The following PI4KA variants were observed in gnomAD, a reference collection of about 807,000 sequenced individuals.
PI4KA encodes PI4-kinase alpha.
In PI4KA, 122 loss-of-function variants were observed where a neutral mutation model predicts 271.4. The observed-to-expected ratio is 0.45, with a 90% confidence interval of 0.39 to 0.52. The LOEUF (loss-of-function observed/expected upper bound fraction) is 0.52, where lower values mean the gene tolerates loss of function less well. PI4KA is among the 20% of genes least tolerant of loss of function. PI4KA has a pLI of 0.00. For missense variants in PI4KA, 1,969 were observed against 2,769.1 expected (o/e 0.71, Z 6.48); for synonymous variants, 1,041 against 1,078.8 (o/e 0.96, Z 0.69).
intron 1 of PI4KA, among the ~76,000 whole-genome samples, chr22:20,840,048 A>G (rs1274725152): frequency 6.6e-6 from 1 of 152,206 alleles, no homozygotes; most frequent in Admixed American, 6.5e-5. Flanking sequence ...GCTCTGTCCT[A>G]TGCAATACTT....
In PI4KA at chr22:20,833,233, GCTCT is replaced by G. The variant is rs371029825; in HGVS notation, c.367+1325_367+1328del. Among the ~76,000 whole-genome samples the G allele has an allele frequency of 2.6e-5, 4 of 152,250 alleles. No homozygotes were observed. The South Asian group carries it at 6.2e-4, about 24-fold the overall frequency. On this transcript the variant is annotated intron_variant, in intron 3 of 54. Coordinates refer to ENST00000255882, the MANE Select transcript of PI4KA (RefSeq NM_058004.4). ...ATTGGGCACTCAGCTTTGTTCTCTGGCTCTCTGAGGTTGAGAACATGCAGCACTG... is the reference window on the plus strand; with the variant it reads ...ATTGGGCACTCAGCTTTGTTCTCTGGCTGAGGTTGAGAACATGCAGCACTG...
Position 20,709,968 on chromosome 22 carries a change from A to G in PI4KA, c.6113T>C (p.Val2038Ala). Residue 2038 changes from valine to alanine, a missense_variant, in exon 53 of 55, where the codon GTC (valine) becomes GCC (alanine). By Grantham distance (64) the Val-to-Ala change is moderately conservative. This residue lies in a region of PI4KA where 110 missense variants were observed against 349.8 expected (regional missense o/e 0.31). Transcript: ENST00000255882. ...RPYMDAVVSLVTLMLDTGLPC... is the reference protein window; with the variant it reads ...RPYMDAVVSLATLMLDTGLPC... The stretch of plus-strand genomic sequence containing the variant: ...CAGGCCCGTGTCCAACATGAGAGTG[A>G]CCAGGGAGACGACCGCGTCCATGTA... 1 of 1,613,708 alleles carries G rather than the reference A, an allele frequency of 6.2e-7. No homozygotes were observed. Among genetic ancestry groups the G allele is most frequent in the Middle Eastern group, 1.7e-4 (1 of 6,054 alleles).
At chr22:20,834,238 G>A (rs1396055728) in intron 3 of PI4KA, among the ~76,000 whole-genome samples, 1 of 152,112 alleles carries the variant, frequency 6.6e-6, no homozygotes, top group Non-Finnish European at 1.5e-5. Context: ...GGGTAACAGT[G>A]ACTGATTTGG....
intron 19 of PI4KA, among the ~76,000 whole-genome samples, chr22:20,785,746 C>A (rs1184487075): frequency 1.3e-5 from 2 of 152,054 alleles, no homozygotes; most frequent in Non-Finnish European, 2.9e-5. Context: ...CTGCTGCTAA[C>A]CTTGAAGATA....
rs1928634394 is a variant in PI4KA, at chr22:20,735,748, G to A, written c.3742-1195C>T. On this transcript the variant is annotated intron_variant, in intron 32 of 54. Transcript: ENST00000255882. ...CGACGGGAGCCCGGGGCGGGGCTCT[G>A]TCTGCTGCTTCCCTCTAAGCTGCCC... Among the ~76,000 whole-genome samples the A allele has an allele frequency of 2.6e-5, 4 of 152,262 alleles. No homozygotes were observed. In the South Asian group the frequency reaches 8.3e-4, roughly 31 times the overall value.
chr22:20,847,287 GA>G (rs1189154941), intron 1 of PI4KA, among the ~76,000 whole-genome samples: 1 of 151,842 alleles, frequency 6.6e-6, no homozygotes, highest in Non-Finnish European at 1.5e-5. Context: ...AAAAGTTGAA[GA>G]AAAATGAATA....
chr22:20,848,863 T>C (rs1275373756), intron 1 of PI4KA, among the ~76,000 whole-genome samples: 1 of 152,006 alleles, frequency 6.6e-6, no homozygotes, highest in African/African-American at 2.4e-5. Flanking sequence ...TTTAAAACTT[T>C]TGTACTTCAA....
chr22:20,720,147 G>T lies in PI4KA; in HGVS notation c.5116+1151C>A, dbSNP rs144227316. 5.7e-3 allele frequency among the ~76,000 whole-genome samples: 868 copies of T among 151,864 alleles called. 8 individuals carry two copies. The highest frequency in any genetic ancestry group is 0.055 in the East Asian group (285 of 5,178). On this transcript the variant is annotated intron_variant, in intron 43 of 54. Coordinates refer to ENST00000255882, the MANE Select transcript of PI4KA (RefSeq NM_058004.4). The stretch of plus-strand genomic sequence containing the variant: ...CTTTGAAAGATGTGCATAACTCACT[G>T]GCCTATATTTTACAAATGCCCACCG...
chr22:20,856,000 A>G (rs165635), intron 1 of PI4KA, among the ~76,000 whole-genome samples: 74,098 of 152,108 alleles, frequency 0.49, 18,567 homozygotes, highest in African/African-American at 0.59. Context: ...GATTAGTAAT[A>G]GCTAGGCACA....
chr22:20,825,687 T>C (rs1245358314), intron 3 of PI4KA, among the ~76,000 whole-genome samples: 6 of 152,174 alleles, frequency 3.9e-5, no homozygotes, highest in Admixed American at 3.9e-4. Context: ...CCAGAAATGA[T>C]GAAAACCCAA....
chr22:20,784,186 C>T, intron 19 of PI4KA: 3 of 1,614,122 alleles, frequency 1.9e-6, no homozygotes, highest in Non-Finnish European at 1.7e-6. Flanking sequence ...GGATGAAGAC[C>T]CTCGAAGCGC....
At chr22:20,791,168 G>A (rs1463764212) in intron 19 of PI4KA, among the ~76,000 whole-genome samples, 2 of 152,152 alleles carry the variant, frequency 1.3e-5, no homozygotes, top group Non-Finnish European at 2.9e-5. Flanking sequence ...CATATATTAA[G>A]CTCTAAATGA....
At chr22:20,755,390 G>C (rs1461425889) in intron 23 of PI4KA, among the ~76,000 whole-genome samples, 3 of 152,102 alleles carry the variant, frequency 2.0e-5, no homozygotes, top group Non-Finnish European at 2.9e-5. Context: ...GGCCTCCCTA[G>C]AATCAACCAT....
chr22:20,813,323 T>A (rs1921311128), intron 8 of PI4KA, 35 bp downstream of exon 8: 5 of 1,409,984 alleles, frequency 3.5e-6, no homozygotes, highest in African/African-American at 1.5e-5. Flanking sequence ...TACTGACATA[T>A]CCATGGTCTG....
intron 4 of PI4KA, 76 bp from the exon 5 acceptor site, chr22:20,820,687 A>C: frequency 9.8e-7 from 1 of 1,018,632 alleles, no homozygotes; most frequent in Non-Finnish European, 1.5e-6. Flanking sequence ...AGTCAGAATT[A>C]GAAGGCACTT....
At chr22:20,759,039 G>A (rs1227965155) in intron 23 of PI4KA, among the ~76,000 whole-genome samples, 1 of 152,084 alleles carries the variant, frequency 6.6e-6, no homozygotes, top group East Asian at 1.9e-4. Context: ...AGAGCCCCTG[G>A]GGCATTTTTT....
At chr22:20,725,784 T>G in intron 42 of PI4KA, 1 of 291,348 alleles carries the variant, frequency 3.4e-6, no homozygotes, top group South Asian at 3.1e-5. Flanking sequence ...TCATCCCAGT[T>G]ACTTGGGAGG....
chr22:20,809,350 T>G (rs1173925961), intron 9 of PI4KA, among the ~76,000 whole-genome samples: 1 of 152,146 alleles, frequency 6.6e-6, no homozygotes, highest in East Asian at 1.9e-4. Context: ...ATAATAAGCA[T>G]GTAATAATTG....
At chr22:20,785,403 C>T (rs1388578021) in intron 19 of PI4KA, among the ~76,000 whole-genome samples, 4 of 152,154 alleles carry the variant, frequency 2.6e-5, no homozygotes, top group African/African-American at 9.7e-5. Flanking sequence ...TTACTTGGTG[C>T]AAGGTATGAG....
Sources: gnomAD v4.1 joint callset for allele counts (sites outside exome capture counted in the v4.1 genomes callset) on GRCh38, gnomAD v4.1.1 for gene constraint, gnomAD v4.1.1 regional missense constraint, MANE v1.5 for transcripts, NCBI Gene and HGNC (gene_info 2026-07-23, HGNC 2026-07-21) for gene names.